Variants in ZNG1B observed in about 807,000 individuals in gnomAD.
ZNG1B encodes the protein zinc-regulated GTPase metalloprotein activator 1B.
chr2:113,478,349 TA>T, the ZNG1B span, among the ~76,000 whole-genome samples: 1 of 152,138 alleles, frequency 6.6e-6, no homozygotes, highest in Non-Finnish European at 1.5e-5. Context: ...AAACATGGCT[TA>T]CTGCAGCCTC....
chr2:113,482,381 T>TTAAA, the ZNG1B span, among the ~76,000 whole-genome samples: 2 of 151,964 alleles, frequency 1.3e-5, no homozygotes, highest in Non-Finnish European at 2.9e-5. Context: ...TCTTAAATGC[T>TTAAA]TTTGACATAG....
chr2:113,486,746 A>AC, the ZNG1B span, among the ~76,000 whole-genome samples: 12,216 of 150,700 alleles, frequency 0.081, 66 homozygotes, highest in Non-Finnish European at 0.12. Flanking sequence ...ACAGAGTGAG[A>AC]CCCCATCTCA....
At chr2:113,457,195 C>T in the ZNG1B span, 6 of 453,168 alleles carry the variant, frequency 1.3e-5, no homozygotes, top group African/African-American at 1.0e-4. Context: ...AATGAAGTTA[C>T]CCAGAGAAGG....
At chr2:113,441,852 G>A in the ZNG1B span, 62 of 186,194 alleles carry the variant, frequency 3.3e-4, 2 homozygotes, top group East Asian at 9.9e-3. Context: ...TGATTCTCCT[G>A]CCTCAGCCTC....
the ZNG1B span, among the ~76,000 whole-genome samples, chr2:113,452,494 G>GTA: frequency 3.7e-5 from 5 of 135,026 alleles, no homozygotes; most frequent in African/African-American, 1.4e-4. Flanking sequence ...ACTAATCAGG[G>GTA]TATGTGGTTT....
the ZNG1B span, chr2:113,460,761 A>G: frequency 6.3e-7 from 1 of 1,578,802 alleles, no homozygotes; most frequent in Non-Finnish European, 8.5e-7. Context: ...GGCTAATTGT[A>G]AAGAGAAAAA....
chr2:113,473,734 A>G, the ZNG1B span, among the ~76,000 whole-genome samples: 9 of 147,668 alleles, frequency 6.1e-5, no homozygotes, highest in African/African-American at 1.5e-4. Context: ...TTCTGCATCT[A>G]TTGAGATAAT....
the ZNG1B span, among the ~76,000 whole-genome samples, chr2:113,463,283 C>A: frequency 2.0e-5 from 3 of 152,242 alleles, no homozygotes; most frequent in South Asian, 4.1e-4. Flanking sequence ...TACAGAGAGA[C>A]ATTCGGTAGC....
At chr2:113,464,878 G>A in the ZNG1B span, among the ~76,000 whole-genome samples, 1 of 152,086 alleles carries the variant, frequency 6.6e-6, no homozygotes, top group Admixed American at 6.5e-5. Context: ...CCCTTAATCT[G>A]ACAGTTGTGC....
At chr2:113,495,847 C>T in the ZNG1B span, 1 of 581,768 alleles carries the variant, frequency 1.7e-6, no homozygotes, top group Non-Finnish European at 2.8e-6. Flanking sequence ...TTCCAATATA[C>T]TTTAAAATGG....
the ZNG1B span, among the ~76,000 whole-genome samples, chr2:113,485,412 C>G: frequency 1.4e-5 from 2 of 141,600 alleles, no homozygotes; most frequent in Non-Finnish European, 3.0e-5. Flanking sequence ...GGAGACCATG[C>G]GGGAAGATAC....
the ZNG1B span, among the ~76,000 whole-genome samples, chr2:113,462,086 T>C: frequency 0.02 from 3,041 of 152,284 alleles, 90 homozygotes; most frequent in African/African-American, 0.069. Context: ...AAAATCATCC[T>C]TTTGATTGTA....
the ZNG1B span, among the ~76,000 whole-genome samples, chr2:113,438,748 A>G: frequency 3.5e-4 from 54 of 152,240 alleles, no homozygotes; most frequent in African/African-American, 1.2e-3. Context: ...TAAACCTTAC[A>G]GTTAAATAGA....
chr2:113,473,751 G>A, the ZNG1B span, among the ~76,000 whole-genome samples: 2 of 147,844 alleles, frequency 1.4e-5, no homozygotes, highest in African/African-American at 2.5e-5. Flanking sequence ...TAATCATGTG[G>A]TTTTTGTCTT....
chr2:113,442,906 A>G, the ZNG1B span, among the ~76,000 whole-genome samples: 2 of 152,108 alleles, frequency 1.3e-5, no homozygotes, highest in African/African-American at 4.8e-5. Flanking sequence ...AAGCATTTCA[A>G]ATATAGTTTA....
the ZNG1B span, among the ~76,000 whole-genome samples, chr2:113,473,246 C>G: frequency 2.6e-5 from 4 of 151,406 alleles, no homozygotes; most frequent in African/African-American, 7.3e-5. Flanking sequence ...CTCTTTGAAG[C>G]AATTGTGAAT....
At chr2:113,485,582 G>GA in the ZNG1B span, among the ~76,000 whole-genome samples, 3 of 147,792 alleles carry the variant, frequency 2.0e-5, no homozygotes, top group Admixed American at 1.4e-4. Context: ...ATTGACTAGA[G>GA]AAACCTAGAA....
chr2:113,463,227 C>T, the ZNG1B span, among the ~76,000 whole-genome samples: 1 of 152,060 alleles, frequency 6.6e-6, no homozygotes, highest in Non-Finnish European at 1.5e-5. Flanking sequence ...AGTTCAGGGG[C>T]TTTGTTTTGA....
chr2:113,463,115 A>G, the ZNG1B span, among the ~76,000 whole-genome samples: 3 of 151,678 alleles, frequency 2.0e-5, no homozygotes, highest in African/African-American at 7.3e-5. Flanking sequence ...AATCAGGACA[A>G]TATGAATGAT....
Sources: gnomAD v4.1 joint callset for allele counts (sites outside exome capture counted in the v4.1 genomes callset) on GRCh38, gnomAD v4.1.1 for gene constraint, MANE v1.5 for transcripts, NCBI Gene and HGNC (gene_info 2026-07-23, HGNC 2026-07-21) for gene names.